Variants in ITPRID1 observed in about 807,000 individuals in gnomAD.
The protein encoded by ITPRID1 is ITPR interacting domain containing 1.
In ITPRID1, 96 loss-of-function variants were observed where a neutral mutation model predicts 95.4. That is an observed-to-expected ratio of 1.01 (90% CI 0.85 to 1.19). ITPRID1 has a LOEUF of 1.19. ITPRID1 is among the 50% of genes most tolerant of loss of function. The pLI is 0.00. For synonymous variants in ITPRID1, 510 were observed against 453.6 expected (o/e 1.12, Z -1.58); for missense variants, 1,339 against 1,252.9 (o/e 1.07, Z -1.04).
chr7:31,543,794 A>C (rs1431985322), intron 1 of ITPRID1, among the ~76,000 whole-genome samples: 2 of 151,930 alleles, frequency 1.3e-5, no homozygotes, highest in African/African-American at 4.8e-5. Context: ...TCACTTTTTT[A>C]CTTCATGGAT....
At chr7:31,565,598 C>G (rs995063146) in intron 5 of ITPRID1, among the ~76,000 whole-genome samples, 1 of 152,010 alleles carries the variant, frequency 6.6e-6, no homozygotes, top group African/African-American at 2.4e-5. Context: ...ATTAGCCAGG[C>G]GTTGTGGCAC....
chr7:31,548,765 T>C (rs1426444222), intron 1 of ITPRID1, among the ~76,000 whole-genome samples: 1 of 152,114 alleles, frequency 6.6e-6, no homozygotes, highest in East Asian at 1.9e-4. Flanking sequence ...TTAGTTTGTG[T>C]AGGTAATATG....
At chr7:31,628,783 G>T (rs1168158192) in intron 10 of ITPRID1, among the ~76,000 whole-genome samples, 1 of 152,062 alleles carries the variant, frequency 6.6e-6, no homozygotes, top group Non-Finnish European at 1.5e-5. Context: ...GGAAACTTTA[G>T]TTCTTCAGCT....
chr7:31,515,529 A>G (rs1021664189), intron 1 of ITPRID1, among the ~76,000 whole-genome samples: 1 of 152,100 alleles, frequency 6.6e-6, no homozygotes, highest in Non-Finnish European at 1.5e-5. Context: ...GAGCTGAGAT[A>G]TCACCATTGC....
intron 10 of ITPRID1, among the ~76,000 whole-genome samples, chr7:31,629,400 C>T (rs38374): frequency 0.93 from 141,839 of 152,280 alleles, 66,415 homozygotes; most frequent in East Asian, 0.99. Flanking sequence ...CTCCATGCCA[C>T]GAAGCTCCAG....
chr7:31,543,020 C>T (rs144690889), intron 1 of ITPRID1, among the ~76,000 whole-genome samples: 2 of 152,136 alleles, frequency 1.3e-5, no homozygotes, highest in African/African-American at 2.4e-5. Context: ...CACAGACAAC[C>T]AGAAAAATAT....
downstream of ITPRID1, among the ~76,000 whole-genome samples, chr7:31,656,752 G>A (rs1415124637): frequency 6.6e-6 from 1 of 152,114 alleles, no homozygotes; most frequent in Non-Finnish European, 1.5e-5. Context: ...TGTGATGGAG[G>A]AGAGAAAAGA....
chr7:31,655,894 A>G lies in ITPRID1; in HGVS notation c.*3065A>G. 1 of 985,468 alleles carries G rather than the reference A, an allele frequency of 1.0e-6. No individual in the cohort carries two copies. Among genetic ancestry groups the G allele is most frequent in the South Asian group, 4.7e-5 (1 of 21,280 alleles). The allele number at this position is 985,468 out of a possible 1,614,324, so 61.0% of individuals were successfully genotyped here. A position where few individuals can be genotyped will look rare whatever the true frequency, so the allele number is the denominator to read the frequency against. On this transcript the variant is annotated 3_prime_UTR_variant, in exon 15 of 15. Transcript: ENST00000615280. ...ATGAAGAGGAACACCTGGCTCTAGGATGTCCCTCACCTGGCAGCCATCTGC... is the reference window on the plus strand; with the variant it reads ...ATGAAGAGGAACACCTGGCTCTAGGGTGTCCCTCACCTGGCAGCCATCTGC...
At chr7:31,580,400 C>T (rs1478248228) in intron 9 of ITPRID1, among the ~76,000 whole-genome samples, 2 of 151,914 alleles carry the variant, frequency 1.3e-5, no homozygotes, top group African/African-American at 4.8e-5. Context: ...TCGTCAGACT[C>T]TATTGTCCCT....
At chr7:31,554,757 A>G (rs1005049050) in intron 4 of ITPRID1, 101 bp from the exon 5 acceptor site, 1 of 1,114,408 alleles carries the variant, frequency 9.0e-7, no homozygotes, top group Non-Finnish European at 1.3e-6. Flanking sequence ...TCTTACTAAA[A>G]CCTAACTCTG....
intron 10 of ITPRID1, among the ~76,000 whole-genome samples, chr7:31,627,272 T>C (rs989240140): frequency 6.6e-6 from 1 of 152,164 alleles, no homozygotes; most frequent in African/African-American, 2.4e-5. Context: ...TTTATCAAAA[T>C]TTAAAATGGG....
chr7:31,516,729 G>A (rs924220019), intron 1 of ITPRID1, among the ~76,000 whole-genome samples: 8 of 152,078 alleles, frequency 5.3e-5, no homozygotes, highest in Non-Finnish European at 1.2e-4. Flanking sequence ...GTTTTTAACA[G>A]AACCTCCAAA....
intron 10 of ITPRID1, among the ~76,000 whole-genome samples, chr7:31,639,987 C>T (rs1385628099): frequency 6.6e-6 from 1 of 152,086 alleles, no homozygotes; most frequent in African/African-American, 2.4e-5. Context: ...TTAATATATG[C>T]CACACATTTG....
At chr7:31,628,091 G>C (rs1788642333) in intron 10 of ITPRID1, among the ~76,000 whole-genome samples, 1 of 152,210 alleles carries the variant, frequency 6.6e-6, no homozygotes, top group Admixed American at 6.5e-5. Flanking sequence ...GCCTGTGAAA[G>C]TTGGAGCCTG....
Position 31,522,496 on chromosome 7 carries a change from C to A in ITPRID1, c.-98+8376C>A, listed in dbSNP as rs182412576. ...AAGTTGCTCATGAAGGAATAAGCCA[C>A]ACTTTTGTTTCAATGAGGTTTTACT... On this transcript the variant is annotated intron_variant, in intron 1 of 14. Transcript: ENST00000615280. Among the ~76,000 whole-genome samples the A allele has an allele frequency of 6.6e-5, 10 of 152,350 alleles. No individual in the cohort carries two copies. In the East Asian group the frequency reaches 1.9e-3, roughly 29 times the overall value.
chr7:31,553,851 T>C (rs1160686966), intron 3 of ITPRID1, among the ~76,000 whole-genome samples: 1 of 152,198 alleles, frequency 6.6e-6, no homozygotes, highest in African/African-American at 2.4e-5. Context: ...GAAACAAATA[T>C]TTAACAGGAA....
At chr7:31,544,441 A>G (rs953196670) in intron 1 of ITPRID1, among the ~76,000 whole-genome samples, 2 of 152,158 alleles carry the variant, frequency 1.3e-5, no homozygotes, top group Non-Finnish European at 2.9e-5. Flanking sequence ...GGTGAAATTT[A>G]TGCTGTAAAG....
chr7:31,516,630 TAA>T (rs60234451), intron 1 of ITPRID1, among the ~76,000 whole-genome samples: 4 of 150,732 alleles, frequency 2.7e-5, no homozygotes, highest in Admixed American at 6.6e-5. Context: ...CTTATAAACT[TAA>T]AAAAAAAATT....
intron 12 of ITPRID1, among the ~76,000 whole-genome samples, chr7:31,648,638 G>A (rs1790692745): frequency 1.3e-5 from 2 of 152,094 alleles, no homozygotes; most frequent in South Asian, 4.1e-4. Flanking sequence ...AAAATTCAAT[G>A]TTTATGATGT....
Sources: allele counts gnomAD v4.1 joint callset (sites outside exome capture counted in the v4.1 genomes callset), GRCh38; gene constraint gnomAD v4.1.1; transcripts MANE v1.5; gene names NCBI Gene and HGNC (gene_info 2026-07-23, HGNC 2026-07-21).